Variants in USP48 observed in about 807,000 individuals in gnomAD.
USP48 encodes ubiquitin carboxyl-terminal hydrolase 48.
In USP48, 43 loss-of-function variants were observed where a neutral mutation model predicts 150.7. The observed-to-expected ratio is 0.29, with a 90% confidence interval of 0.22 to 0.37. The LOEUF (loss-of-function observed/expected upper bound fraction) is 0.37, where lower values mean the gene tolerates loss of function less well. Among genes scored for constraint, USP48 ranks in the 10% least tolerant of loss-of-function variants. USP48 has a pLI of 1.00. For synonymous variants in USP48, 396 were observed against 425.9 expected (o/e 0.93, Z 0.86); for missense variants, 813 against 1,249.6 (o/e 0.65, Z 5.27).
chr1:21,711,672 G>C (rs1228296240), intron 15 of USP48, among the ~76,000 whole-genome samples: 2 of 152,158 alleles, frequency 1.3e-5, no homozygotes, highest in Admixed American at 6.6e-5. Context: ...ATTTCCCAGT[G>C]AAACAAGCCA....
At chr1:21,706,080 A>G in intron 18 of USP48, 46 bp downstream of exon 18, 1 of 1,591,966 alleles carries the variant, frequency 6.3e-7, no homozygotes, top group Non-Finnish European at 8.6e-7. Context: ...ACCAGAGTCA[A>G]CCAAATCAGT....
At position 21,772,921 on chromosome 1, in the gene USP48, C is replaced by CAA. The variant is rs112945957; in HGVS notation, c.134+9901_134+9902dup. The stretch of plus-strand genomic sequence containing the variant: ...TGGGAAACAGAGCAAGACTCTGTCT[C>CAA]AAAAAAAAAAAACCAAGAAAGAAAG... On this transcript the variant is annotated intron_variant, in intron 1 of 26. Transcript: ENST00000308271. 5.8e-3 allele frequency among the ~76,000 whole-genome samples: 631 copies of CAA among 108,322 alleles called. 30 individuals carry two copies. The East Asian group carries it at 0.13, about 23-fold the overall frequency. 71.1% of individuals were successfully genotyped at this position (108,322 alleles called of 152,430 possible).
chr1:21,756,130 A>T (rs2097833461), intron 3 of USP48, among the ~76,000 whole-genome samples: 1 of 151,570 alleles, frequency 6.6e-6, no homozygotes, highest in Admixed American at 6.6e-5. Flanking sequence ...GTGCCATTGC[A>T]CTAGAGCGTG....
rs367727520 is a variant in USP48, at chr1:21,714,541, G to A, written c.1963+848C>T. ...GCCTTCCTAGTAGCTGGGATTATAGGTGCAAGCTACAGCACTCAGTGCTCA... is the reference window on the plus strand; with the variant it reads ...GCCTTCCTAGTAGCTGGGATTATAGATGCAAGCTACAGCACTCAGTGCTCA... On this transcript the variant is annotated intron_variant, in intron 15 of 26. Transcript: ENST00000308271. Among the ~76,000 whole-genome samples the A allele has an allele frequency of 5.9e-5, 9 of 152,162 alleles. No homozygotes were observed. The East Asian group carries it at 9.6e-4, about 16-fold the overall frequency.
intron 14 of USP48, among the ~76,000 whole-genome samples, chr1:21,716,800 G>A (rs1002725749): frequency 1.3e-5 from 2 of 151,544 alleles, no homozygotes; most frequent in Non-Finnish European, 2.9e-5. Flanking sequence ...AGGCTGAGGC[G>A]GGTGGATCAC....
At chr1:21,743,556 G>A (rs1254706095) in intron 8 of USP48, among the ~76,000 whole-genome samples, 2 of 152,072 alleles carry the variant, frequency 1.3e-5, no homozygotes, top group Non-Finnish European at 2.9e-5. Context: ...AGAAAAAAGA[G>A]TAAACTAAGC....
At chr1:21,687,532 C>T (rs538410225) in intron 24 of USP48, among the ~76,000 whole-genome samples, 1 of 152,292 alleles carries the variant, frequency 6.6e-6, no homozygotes, top group African/African-American at 2.4e-5. Flanking sequence ...TGTTTAGACA[C>T]CCTGGGGTTA....
At chr1:21,713,737 C>G (rs1476913978) in intron 15 of USP48, among the ~76,000 whole-genome samples, 1 of 152,216 alleles carries the variant, frequency 6.6e-6, no homozygotes, top group Non-Finnish European at 1.5e-5. Flanking sequence ...CTCCTTTTGG[C>G]TATTCACCCA....
In USP48 at chr1:21,694,572, C is replaced by CAAAAAAAAAAAAAAAAAAAAAAA. The variant is rs1204062748; in HGVS notation, c.2883+471_2883+493dup. On this transcript the variant is annotated intron_variant, in intron 23 of 26. Transcript: ENST00000308271. ...GTGACAGAGTGAGGCTCTGTCTCAC[C>CAAAAAAAAAAAAAAAAAAAAAAA]AAAAAAAAAAAAAAAAAAAAAAAAA... Among the ~76,000 whole-genome samples, 4 of 12,026 alleles carry CAAAAAAAAAAAAAAAAAAAAAAA rather than the reference C, an allele frequency of 3.3e-4. 1 individual carries two copies. The highest frequency in any genetic ancestry group is 1.8e-3 in the African/African-American group (4 of 2,182). The allele number at this position is 12,026 out of a possible 152,430, so 7.9% of individuals were successfully genotyped here.
At chr1:21,706,380 T>G (rs1557459212) in intron 17 of USP48, 87 bp downstream of exon 17, 1 of 1,586,884 alleles carries the variant, frequency 6.3e-7, no homozygotes, top group Admixed American at 1.7e-5. Flanking sequence ...TGAGAAGTTC[T>G]GGGTTGTTCT....
At chr1:21,725,777 A>C (rs901252609) in intron 11 of USP48, among the ~76,000 whole-genome samples, 1 of 151,274 alleles carries the variant, frequency 6.6e-6, no homozygotes, top group African/African-American at 2.4e-5. Flanking sequence ...AGGAGACTTT[A>C]AGATGCAGTA....
At chr1:21,780,704 G>A (rs563962900) in intron 1 of USP48, among the ~76,000 whole-genome samples, 14 of 150,872 alleles carry the variant, frequency 9.3e-5, no homozygotes, top group African/African-American at 3.4e-4. Context: ...TTTAGAGGCG[G>A]AACATACAGG....
chr1:21,777,321 C>G (rs1394293243), intron 1 of USP48, among the ~76,000 whole-genome samples: 1 of 151,976 alleles, frequency 6.6e-6, no homozygotes, highest in African/African-American at 2.4e-5. Context: ...ATTAAAACTG[C>G]TCAAACCTTG....
At chr1:21,741,661 A>T (rs886720650) in intron 8 of USP48, among the ~76,000 whole-genome samples, 7 of 152,176 alleles carry the variant, frequency 4.6e-5, no homozygotes, top group African/African-American at 1.2e-4. Context: ...TTTCTTTTTT[A>T]AAAAAGGTAG....
At chr1:21,738,449 T>C (rs1013664229) in intron 8 of USP48, among the ~76,000 whole-genome samples, 2 of 145,668 alleles carry the variant, frequency 1.4e-5, no homozygotes, top group Non-Finnish European at 3.0e-5. Context: ...TCCGCCCCCC[T>C]GGGGTCATGC....
At chr1:21,703,278 G>A (rs539733001) in intron 21 of USP48, among the ~76,000 whole-genome samples, 218 of 152,186 alleles carry the variant, frequency 1.4e-3, no homozygotes, top group Middle Eastern at 0.014. Flanking sequence ...ACCATTCCTG[G>A]AACACAGCTG....
At chr1:21,778,437 T>C (rs1008777452) in intron 1 of USP48, among the ~76,000 whole-genome samples, 7 of 151,724 alleles carry the variant, frequency 4.6e-5, no homozygotes, top group African/African-American at 9.7e-5. Context: ...ATATGTAAAA[T>C]AGCGCAGCCA....
rs2097918631 is a variant in USP48 at position 21,783,064 on chromosome 1, C to A, written c.-107G>T. On this transcript the variant is annotated 5_prime_UTR_variant, in exon 1 of 27. Transcript: ENST00000308271. The stretch of plus-strand genomic sequence containing the variant: ...CCACCTGCCAGCAAGGAGGACCTGG[C>A]GCTCCTTCAGGCAGCTGGCCAGTCA... The A allele has an allele frequency of 7.3e-7, 1 of 1,378,756 alleles. No homozygotes were observed. The highest frequency in any genetic ancestry group is 9.3e-7 in the Non-Finnish European group (1 of 1,069,630). 85.4% of individuals were successfully genotyped at this position (1,378,756 alleles called of 1,614,324 possible).
At chr1:21,749,423 G>A (rs906593513) in intron 6 of USP48, among the ~76,000 whole-genome samples, 3 of 151,904 alleles carry the variant, frequency 2.0e-5, no homozygotes, top group African/African-American at 7.3e-5. Context: ...CCTCTCAAAC[G>A]TAACATGCTC....
Sources: gnomAD v4.1 joint callset for allele counts (sites outside exome capture counted in the v4.1 genomes callset) on GRCh38, gnomAD v4.1.1 for gene constraint, MANE v1.5 for transcripts, NCBI Gene and HGNC (gene_info 2026-07-23, HGNC 2026-07-21) for gene names.